ZNF385B: variants seen among roughly 807,000 people sequenced by gnomAD.
ZNF385B encodes the protein zinc finger protein 533.
A neutral mutation model predicts 39.2 loss-of-function variants in ZNF385B; 23 were observed. That is an observed-to-expected ratio of 0.59 (90% CI 0.42 to 0.83). ZNF385B has a LOEUF of 0.83. Among genes scored for constraint, ZNF385B ranks in the 40% least tolerant of loss-of-function variants. The pLI, the probability that ZNF385B is intolerant of heterozygous loss-of-function variation, is 0.00. For missense variants in ZNF385B, 552 were observed against 598.9 expected (o/e 0.92, Z 0.82); for synonymous variants, 205 against 222.6 (o/e 0.92, Z 0.70).
chr2:179,650,354 A>T (rs935541208), intron 3 of ZNF385B, among the ~76,000 whole-genome samples: 4 of 152,230 alleles, frequency 2.6e-5, no homozygotes, highest in African/African-American at 9.6e-5. Flanking sequence ...ATTATATCAA[A>T]GCTTCATGTT....
At chr2:179,637,257 T>C (rs566265539) in intron 3 of ZNF385B, 1 of 152,296 alleles carries the variant, frequency 6.6e-6, no homozygotes, top group East Asian at 1.9e-4. Flanking sequence ...TCAGTGATTA[T>C]AGTGGCAGTA....
chr2:179,576,276 CA>C (rs1436409821), intron 3 of ZNF385B: 2 of 654,698 alleles, frequency 3.1e-6, no homozygotes, highest in East Asian at 1.4e-4. Context: ...ATCTAAAAAT[CA>C]AAAGTGAACC....
chr2:179,512,472 T>C (rs2057754515), intron 5 of ZNF385B, among the ~76,000 whole-genome samples: 1 of 152,206 alleles, frequency 6.6e-6, no homozygotes, highest in South Asian at 2.1e-4. Flanking sequence ...TTAGCCAAAA[T>C]GAGATAAATG....
intron 1 of ZNF385B, among the ~76,000 whole-genome samples, chr2:179,849,229 G>A (rs1559249359): frequency 6.6e-6 from 1 of 152,138 alleles, no homozygotes; most frequent in Non-Finnish European, 1.5e-5. Flanking sequence ...AGAATACCAT[G>A]CAAACGAAAA....
At chr2:179,785,531 G>C (rs1457508979) in intron 1 of ZNF385B, among the ~76,000 whole-genome samples, 1 of 152,128 alleles carries the variant, frequency 6.6e-6, no homozygotes, top group Admixed American at 6.6e-5. Flanking sequence ...CATAAGAGGA[G>C]CTCAAAATAT....
At position 179,758,533 on chromosome 2, in the gene ZNF385B, G is replaced by A. The variant is rs141454585; in HGVS notation, c.298+10970C>T. Among the ~76,000 whole-genome samples the A allele has an allele frequency of 2.8e-3, 434 of 152,286 alleles. 2 individuals are homozygous for A. Among genetic ancestry groups the A allele is most frequent in the East Asian group, 0.011 (57 of 5,184 alleles). ...AGGCACCACCTCTTAATACTGTCAC[G>A]TTGGGGTTTAAGTTCTAATGTATGA... On this transcript the variant is annotated intron_variant, in intron 3 of 9. Coordinates refer to ENST00000410066, the MANE Select transcript of ZNF385B (RefSeq NM_152520.6).
intron 3 of ZNF385B, among the ~76,000 whole-genome samples, chr2:179,675,668 C>T (rs897878752): frequency 3.9e-5 from 6 of 152,092 alleles, no homozygotes; most frequent in Non-Finnish European, 7.4e-5. Context: ...AGGGCCTGAA[C>T]TGGTATGAGA....
chr2:179,768,011 G>T (rs61491576), intron 3 of ZNF385B, among the ~76,000 whole-genome samples: 1 of 150,738 alleles, frequency 6.6e-6, no homozygotes, highest in Non-Finnish European at 1.5e-5. Flanking sequence ...GCACAGTGGC[G>T]TGATCTCAGC....
chr2:179,497,550 AT>A (rs2056346039), intron 5 of ZNF385B, among the ~76,000 whole-genome samples: 1 of 152,050 alleles, frequency 6.6e-6, no homozygotes, highest in Admixed American at 6.6e-5. Context: ...CAAAAAAAAA[AT>A]ACAATGAATA....
At chr2:179,623,448 C>T (rs893680638) in intron 3 of ZNF385B, among the ~76,000 whole-genome samples, 1 of 152,172 alleles carries the variant, frequency 6.6e-6, no homozygotes, top group Non-Finnish European at 1.5e-5. Flanking sequence ...GACTTAGACT[C>T]AGCTGATCGG....
intron 3 of ZNF385B, among the ~76,000 whole-genome samples, chr2:179,548,390 G>A (rs1471573860): frequency 6.8e-6 from 1 of 146,360 alleles, no homozygotes; most frequent in Non-Finnish European, 1.5e-5. Flanking sequence ...TCTCTGGTAG[G>A]CAGACTCTGG....
At chr2:179,654,123 C>T (rs1256511340) in intron 3 of ZNF385B, among the ~76,000 whole-genome samples, 1 of 152,138 alleles carries the variant, frequency 6.6e-6, no homozygotes, top group East Asian at 1.9e-4. Flanking sequence ...ACCAACATCA[C>T]TTATTTCTCA....
At chr2:179,451,969 A>G (rs2050194073) in intron 6 of ZNF385B, among the ~76,000 whole-genome samples, 1 of 152,102 alleles carries the variant, frequency 6.6e-6, no homozygotes, top group Non-Finnish European at 1.5e-5. Context: ...TCTGGTTAAG[A>G]TGAAATCCAT....
chr2:179,816,869 G>A (rs1415940127), intron 1 of ZNF385B, among the ~76,000 whole-genome samples: 1 of 152,044 alleles, frequency 6.6e-6, no homozygotes, highest in Non-Finnish European at 1.5e-5. Context: ...TGCACCAACG[G>A]ACCAGTGTGG....
At chr2:179,669,091 AC>A (rs1269587314) in intron 3 of ZNF385B, among the ~76,000 whole-genome samples, 1 of 152,238 alleles carries the variant, frequency 6.6e-6, no homozygotes, top group Non-Finnish European at 1.5e-5. Flanking sequence ...GTCAAAAAAT[AC>A]TTGAGTGTCA....
In ZNF385B at chr2:179,692,496, C is replaced by T. The variant is rs78915165; in HGVS notation, c.298+77007G>A. Among the ~76,000 whole-genome samples, 1,244 of 152,234 alleles carry T rather than the reference C, an allele frequency of 8.2e-3. 20 individuals carry two copies. Among genetic ancestry groups the T allele is most frequent in the African/African-American group, 0.029 (1,197 of 41,542 alleles). ...TCCCTTATAGATAATCTTGATGTGA[C>T]CTCCCCAACCCCATGTCAGTTGATT... On this transcript the variant is annotated intron_variant, in intron 3 of 9. Coordinates refer to ENST00000410066, the MANE Select transcript of ZNF385B (RefSeq NM_152520.6).
At chr2:179,739,226 A>C (rs1701944793) in intron 3 of ZNF385B, among the ~76,000 whole-genome samples, 1 of 152,240 alleles carries the variant, frequency 6.6e-6, no homozygotes. Context: ...GTTATTATTA[A>C]GTCTCATTAT....
chr2:179,849,914 T>G (rs139319971), intron 1 of ZNF385B, among the ~76,000 whole-genome samples: 1 of 152,246 alleles, frequency 6.6e-6, no homozygotes, highest in African/African-American at 2.4e-5. Context: ...AGCTCAGCTG[T>G]GATGGGTATG....
chr2:179,787,855 G>A, intron 1 of ZNF385B, among the ~76,000 whole-genome samples: 1 of 152,068 alleles, frequency 6.6e-6, no homozygotes, highest in Non-Finnish European at 1.5e-5. Context: ...GGACACTAGG[G>A]GTTTGCCTAT....
Sources: allele counts gnomAD v4.1 joint callset (sites outside exome capture counted in the v4.1 genomes callset), GRCh38; gene constraint gnomAD v4.1.1; transcripts MANE v1.5; gene names NCBI Gene and HGNC (gene_info 2026-07-23, HGNC 2026-07-21).